The following EXTL1 variants were observed in gnomAD, a reference collection of about 807,000 sequenced individuals.
The protein encoded by EXTL1 is exostosin-like 1.
In EXTL1, 43 loss-of-function variants were observed where a neutral mutation model predicts 64.6. That is an observed-to-expected ratio of 0.67 (90% CI 0.52 to 0.86). The LOEUF is 0.86. Ranked by LOEUF, EXTL1 falls within the 40% of genes least tolerant of loss-of-function variation. The pLI is 0.00. For synonymous variants in EXTL1, 352 were observed against 360.5 expected (o/e 0.98, Z 0.27); for missense variants, 766 against 879.0 (o/e 0.87, Z 1.62).
chr1:26,032,513 G>T, intron 7 of EXTL1, 28 bp downstream of exon 7: 1 of 1,527,688 alleles, frequency 6.5e-7, no homozygotes, highest in Non-Finnish European at 8.9e-7. Context: ...CCATGAAAGG[G>T]GTGGGCCCAT....
In EXTL1 at chr1:26,034,966, G is replaced by A. The variant is rs1214926506; in HGVS notation, c.1810G>A (p.Val604Met). 1.9e-6 allele frequency: 3 copies of A among 1,614,092 alleles called. No individual in the cohort carries two copies. The South Asian group carries it at 3.3e-5, about 18-fold the overall frequency. The change falls in exon 10 of 11, where the codon GTG becomes ATG. Residue 604 changes from valine to methionine, a missense_variant. Physicochemically the swap from Val to Met is conservative, Grantham distance 21. This residue lies in a region of EXTL1 where 194 missense variants were observed against 214.5 expected (regional missense o/e 0.90). Coordinates refer to ENST00000374280, the MANE Select transcript of EXTL1 (RefSeq NM_004455.3). The surrounding 1 kb of genome is among the most constrained non-coding windows in gnomAD (Gnocchi z 4.6). ...AGTCACCAAGCTGCCCCCTATCAAG[G>A]TGCCCTATGGCAAGCAGCGCCAGGA... ...AAVTKLPPIK[V>M]PYGKQRQEAA...
At position 26,034,825 on chromosome 1, in the gene EXTL1, C is replaced by T. The variant is rs777148755; in HGVS notation, c.1680-11C>T. 3 of 1,610,604 alleles carry T rather than the reference C, an allele frequency of 1.9e-6. No individual in the cohort carries two copies. The East Asian group carries it at 6.7e-5, about 36-fold the overall frequency. ...GGCTGCAGCCTCTCCCTGTCTTTTC[C>T]TCTTGCCCAGGTATTACCACACTCT... On this transcript the variant is annotated splice_polypyrimidine_tract_variant and intron_variant, in intron 9 of 10. Transcript: ENST00000374280. The surrounding 1 kb of genome is among the most constrained non-coding windows in gnomAD (Gnocchi z 4.6).
chr1:26,030,676 G>A (rs2050273236), intron 4 of EXTL1, 81 bp downstream of exon 4: 1 of 1,452,778 alleles, frequency 6.9e-7, no homozygotes, highest in Non-Finnish European at 9.2e-7. Flanking sequence ...CTCTGCCACA[G>A]TGTTTGGGGA....
Position 26,030,585 on chromosome 1 carries a change from C to T in EXTL1, c.1091C>T (p.Thr364Ile), listed in dbSNP as rs370020120. The T allele has an allele frequency of 2.5e-6, 4 of 1,612,382 alleles. No individual in the cohort carries two copies. The African/African-American group carries it at 4.0e-5, about 16-fold the overall frequency. Residue 364 changes from threonine to isoleucine, a missense_variant, in exon 4 of 11, where the codon ACC becomes ATC. Physicochemically the swap from Thr to Ile is moderately conservative, Grantham distance 89. Transcript: ENST00000374280. ...YFSSVEKVIH[T>I]TLEVIQDRIF... is the part of the protein sequence containing the mutation. Reference sequence around the variant, plus strand: ...TCCTCAGTGGAGAAGGTCATCCATACCACTCTGGAGGTGAGGGGTCTCACC... The same window carrying T: ...TCCTCAGTGGAGAAGGTCATCCATATCACTCTGGAGGTGAGGGGTCTCACC...
chr1:26,030,034 CA>C (rs991231861), intron 3 of EXTL1, among the ~76,000 whole-genome samples: 12 of 152,092 alleles, frequency 7.9e-5, no homozygotes, highest in African/African-American at 2.9e-4. Flanking sequence ...GGGAAGGCTA[CA>C]AAAAAATTCA....
At position 26,023,312 on chromosome 1, in the gene EXTL1, C is replaced by T. The variant is rs754732049; in HGVS notation, c.666C>T (p.Pro222=). ...AGCTGCGGCAACACAGCCCCCAGCCCGGGGTAGCCCTGCTAGCCCTGGAAG... is the reference window on the plus strand; with the variant it reads ...AGCTGCGGCAACACAGCCCCCAGCCTGGGGTAGCCCTGCTAGCCCTGGAAG... ...PGQLRQHSPQ[P]GVALLALEEE... Residue 222 remains proline, a synonymous_variant, in exon 1 of 11, where the codon CCC becomes CCT. Transcript: ENST00000374280. The T allele has an allele frequency of 8.4e-6, 13 of 1,551,544 alleles. No homozygotes were observed. Among genetic ancestry groups the T allele is most frequent in the African/African-American group, 5.5e-5 (4 of 73,344 alleles).
intron 4 of EXTL1, among the ~76,000 whole-genome samples, 161 bp from the exon 5 acceptor site, chr1:26,030,971 C>G (rs1057418788): frequency 4.6e-5 from 7 of 152,136 alleles, no homozygotes; most frequent in Admixed American, 3.9e-4. Flanking sequence ...CCACCATCTC[C>G]CACCTCTGGA....
chr1:26,034,546 G>A lies in EXTL1; in HGVS notation c.1680-290G>A, dbSNP rs1172605474. 6.6e-6 allele frequency among the ~76,000 whole-genome samples: 1 copy of A among 152,178 alleles called. No homozygotes were observed. The highest frequency in any genetic ancestry group is 1.5e-5 in the Non-Finnish European group (1 of 68,038). On this transcript the variant is annotated intron_variant, in intron 9 of 10. Coordinates refer to ENST00000374280, the MANE Select transcript of EXTL1 (RefSeq NM_004455.3). The surrounding 1 kb of genome is among the most constrained non-coding windows in gnomAD (Gnocchi z 4.6). ...ATGTTTGATGGCTTTGAAACCAGCTGATCCAAACCCATCTAATTCTGGCTC... is the reference window on the plus strand; with the variant it reads ...ATGTTTGATGGCTTTGAAACCAGCTAATCCAAACCCATCTAATTCTGGCTC...
intron 4 of EXTL1, 32 bp from the exon 5 acceptor site, chr1:26,031,100 A>G (rs1323904612): frequency 1.1e-5 from 18 of 1,613,646 alleles, no homozygotes; most frequent in Non-Finnish European, 1.4e-5. Context: ...CACACAGGCC[A>G]CTCGCTCTGC....
intron 1 of EXTL1, among the ~76,000 whole-genome samples, chr1:26,024,241 C>T (rs2050190662): frequency 6.6e-6 from 1 of 152,248 alleles, no homozygotes; most frequent in African/African-American, 2.4e-5. Flanking sequence ...CTCTGTGTCC[C>T]CAGCAGGCCA....
rs575772462 is a variant in EXTL1 at position 26,021,797 on chromosome 1, G to A, written c.-850G>A. The A allele has an allele frequency of 1.3e-5, 2 of 152,732 alleles. No homozygotes were observed. Among genetic ancestry groups the A allele is most frequent in the East Asian group, 3.9e-4 (2 of 5,184 alleles). The allele number at this position is 152,732 out of a possible 1,614,324, so 9.5% of individuals were successfully genotyped here. On this transcript the variant is annotated 5_prime_UTR_variant, in exon 1 of 11. Coordinates refer to ENST00000374280, the MANE Select transcript of EXTL1 (RefSeq NM_004455.3). Reference sequence around the variant, plus strand: ...GCCAGTTGCCGACTGGAGAGGGATGGGAGGAGATACCATAGGGTTTGGGGG... The same window carrying A: ...GCCAGTTGCCGACTGGAGAGGGATGAGAGGAGATACCATAGGGTTTGGGGG...
Position 26,034,706 on chromosome 1 carries a change from T to C in EXTL1, c.1680-130T>C. ...AGCTGTTCACGCCAGGGATGGGAGC[T>C]CTCTGAGGCAGCCAGGGCTCAGAGG... On this transcript the variant is annotated intron_variant, in intron 9 of 10. Transcript: ENST00000374280. The surrounding 1 kb of genome is among the most constrained non-coding windows in gnomAD (Gnocchi z 4.6). The C allele has an allele frequency of 1.2e-6, 1 of 866,468 alleles. No homozygotes were observed. The highest frequency in any genetic ancestry group is 1.7e-5 in the African/African-American group (1 of 59,346). The allele number at this position is 866,468 out of a possible 1,614,324, so 53.7% of individuals were successfully genotyped here. A position where few individuals can be genotyped will look rare whatever the true frequency, so the allele number is the denominator to read the frequency against.
chr1:26,029,700 C>A lies in EXTL1; in HGVS notation c.974C>A (p.Pro325Gln). Residue 325 changes from proline (P) to glutamine (Q), a missense_variant, in exon 3 of 11, where the codon CCA becomes CAA. Transcript: ENST00000374280. ...GCCATCGTAGCTGATGAGAGGCTCC[C>A]ACTTCAGGTAGCTCAGAGCCCTGCC... ...KAAIVADERL[P>Q]LQVLAALQEM... The A allele has an allele frequency of 6.2e-7, 1 of 1,607,666 alleles. No individual in the cohort carries two copies.
rs752966578 is a variant in EXTL1, at chr1:26,034,969, C to T, written c.1813C>T (p.Pro605Ser). 1.9e-6 allele frequency: 3 copies of T among 1,614,206 alleles called. No homozygotes were observed. In the South Asian group the frequency reaches 3.3e-5, roughly 18 times the overall value. The change falls in exon 10 of 11, where the codon CCC (proline) becomes TCC (serine). Residue 605 changes from proline (P) to serine (S), a missense_variant. Around this residue, in one of 3 missense-constraint regions of EXTL1, gnomAD observed 194 missense variants for 214.5 expected, o/e 0.90. Transcript: ENST00000374280. The surrounding 1 kb of genome is among the most constrained non-coding windows in gnomAD (Gnocchi z 4.6). ...AVTKLPPIKV[P>S]YGKQRQEAAP... is the part of the protein sequence containing the mutation. ...CACCAAGCTGCCCCCTATCAAGGTG[C>T]CCTATGGCAAGCAGCGCCAGGAGGC...
In EXTL1 at chr1:26,031,512, C is replaced by A. The variant is rs767381466; in HGVS notation, c.1287C>A (p.Gly429=). The change falls in exon 6 of 11, where the codon GGC becomes GGA. Residue 429 remains glycine (G), a synonymous_variant. Coordinates refer to ENST00000374280, the MANE Select transcript of EXTL1 (RefSeq NM_004455.3). ...FSALIWVGPP[G]QPPLKLIQAV... The stretch of plus-strand genomic sequence containing the variant: ...CCCTGATCTGGGTGGGGCCCCCAGG[C>A]CAGCCCCCTCTGAAGCTCATCCAGG... The A allele has an allele frequency of 3.7e-6, 6 of 1,601,650 alleles. No homozygotes were observed. The African/African-American group carries it at 8.0e-5, about 21-fold the overall frequency.
chr1:26,033,688 C>T lies in EXTL1; in HGVS notation c.1519-8C>T, dbSNP rs756662025. 2 of 1,613,336 alleles carry T rather than the reference C, an allele frequency of 1.2e-6. No individual in the cohort carries two copies. Among genetic ancestry groups the T allele is most frequent in the South Asian group, 1.1e-5 (1 of 90,964 alleles). On this transcript the variant is annotated splice_region_variant and splice_polypyrimidine_tract_variant and intron_variant, in intron 8 of 10. Transcript: ENST00000374280. The surrounding 1 kb of genome is among the most constrained non-coding windows in gnomAD (Gnocchi z 5.1). ...CCTTCCTCACAGCTCACTTGAGTCCCTCCCCAGGTGGACTTTGCCTTTCTG... is the reference window on the plus strand; with the variant it reads ...CCTTCCTCACAGCTCACTTGAGTCCTTCCCCAGGTGGACTTTGCCTTTCTG...
In EXTL1 at chr1:26,030,417, C is replaced by T. The variant is rs985160784; in HGVS notation, c.982-59C>T. On this transcript the variant is annotated intron_variant, in intron 3 of 10. Transcript: ENST00000374280. ...GCACGAATATGGCTCACTGCAGCGT[C>T]GACCTCCTGGGCTCAAAATTGCTCT... 102 of 1,548,996 alleles carry T rather than the reference C, an allele frequency of 6.6e-5. 1 individual carries two copies. The highest frequency in any genetic ancestry group is 5.7e-4 in the South Asian group (49 of 85,490).
rs868308522 is a variant in EXTL1 at position 26,026,297 on chromosome 1, A to T, written c.779+2872A>T. ...ATGAACTTTCAGGTAGAAGAAAAAA[A>T]TTTTTTTTTTTTTTGAGACAAAGTC... is the stretch of plus-strand genomic sequence containing the variant. On this transcript the variant is annotated intron_variant, in intron 1 of 10. Transcript: ENST00000374280. Among the ~76,000 whole-genome samples, 258 of 141,024 alleles carry T rather than the reference A, an allele frequency of 1.8e-3. 1 individual carries two copies. Among genetic ancestry groups the T allele is most frequent in the South Asian group, 6.4e-3 (29 of 4,556 alleles). The allele number at this position is 141,024 out of a possible 152,430, so 92.5% of individuals were successfully genotyped here. A position where few individuals can be genotyped will look rare whatever the true frequency, so the allele number is the denominator to read the frequency against.
rs1478703893 is a variant in EXTL1 at position 26,035,538 on chromosome 1, G to A, written c.*191G>A. On this transcript the variant is annotated 3_prime_UTR_variant, in exon 11 of 11. Transcript: ENST00000374280. The surrounding 1 kb of genome is among the most constrained non-coding windows in gnomAD (Gnocchi z 5.3). ...TACCTTCTCCTGCTCGCCCTCAGCC[G>A]CGGAGCCTCTGCGGAGGCTGAGCCC... The A allele has an allele frequency of 4.2e-6, 2 of 474,300 alleles. No individual in the cohort carries two copies. The highest frequency in any genetic ancestry group is 7.4e-6 in the Non-Finnish European group (2 of 269,418). The allele number at this position is 474,300 out of a possible 1,614,324, so 29.4% of individuals were successfully genotyped here. A position where few individuals can be genotyped will look rare whatever the true frequency, so the allele number is the denominator to read the frequency against.
Sources: allele counts gnomAD v4.1 joint callset (sites outside exome capture counted in the v4.1 genomes callset), GRCh38; gene constraint gnomAD v4.1.1; regional missense constraint gnomAD v4.1.1; non-coding constraint Gnocchi (gnomAD v3.1); transcripts MANE v1.5; gene names NCBI Gene and HGNC (gene_info 2026-07-23, HGNC 2026-07-21).